The following SND1 variants were observed in gnomAD, a reference collection of about 807,000 sequenced individuals.
The protein encoded by SND1 is staphylococcal nuclease domain-containing protein 1.
In SND1, 38 loss-of-function variants were observed where a neutral mutation model predicts 121.7. The observed-to-expected ratio is 0.31, with a 90% confidence interval of 0.24 to 0.41. The LOEUF is 0.41. SND1 is among the 10% of genes least tolerant of loss of function. The pLI is 1.00. For missense variants in SND1, 868 were observed against 1,184.6 expected, an observed-to-expected ratio of 0.73 and a Z score of 3.92; for synonymous variants, 401 against 447.4, an observed-to-expected ratio of 0.90 and a Z score of 1.31.
chr7:127,684,633 T>G (rs2116300595), intron 1 of SND1, among the ~76,000 whole-genome samples: 1 of 152,310 alleles, frequency 6.6e-6, no homozygotes, highest in East Asian at 1.9e-4. Context: ...GAATGTCAGT[T>G]CCCTGGGATA....
chr7:127,890,046 C>G (rs1471207417), intron 13 of SND1, among the ~76,000 whole-genome samples: 1 of 152,044 alleles, frequency 6.6e-6, no homozygotes, highest in Non-Finnish European at 1.5e-5. Flanking sequence ...ATATACCCAG[C>G]AGTGTGATTG....
intron 12 of SND1, among the ~76,000 whole-genome samples, chr7:127,870,265 A>AAGCTCATTCTGACCACTCAAGAAAC (rs1421292460): frequency 2.6e-5 from 4 of 152,176 alleles, no homozygotes; most frequent in Admixed American, 1.3e-4. Context: ...GTATATTGTC[A>AAGCTCATTCTGACCACTCAAGAAAC]AGCTCATTCT....
rs1287280531 is a variant in SND1, at chr7:128,074,624, C to T, written c.1902C>T (p.Ala634=). The part of the protein sequence containing the change: ...EHALSKVHFT[A]ERSSYYKSLL... ...CGCTCTCCAAGGTCCACTTCACCGCCGAACGCAGCTCCTACTACAAGTCCC... is the reference window on the plus strand; with the variant it reads ...CGCTCTCCAAGGTCCACTTCACCGCTGAACGCAGCTCCTACTACAAGTCCC... The change falls in exon 17 of 24, where the codon GCC becomes GCT. Residue 634 remains alanine, a synonymous_variant. Coordinates refer to ENST00000354725, the MANE Select transcript of SND1 (RefSeq NM_014390.4). 7 of 1,613,802 alleles carry T rather than the reference C, an allele frequency of 4.3e-6. No individual in the cohort carries two copies. Among genetic ancestry groups the T allele is most frequent in the Non-Finnish European group, 5.1e-6 (6 of 1,180,004 alleles).
intron 10 of SND1, among the ~76,000 whole-genome samples, chr7:127,749,045 T>TG (rs1380799652): frequency 9.6e-6 from 1 of 103,668 alleles, no homozygotes; most frequent in Admixed American, 9.4e-5. Flanking sequence ...TTTCTTTCGT[T>TG]TTTTTTTTTT....
chr7:127,686,823 G>T, intron 2 of SND1, 61 bp downstream of exon 2: 1 of 1,537,796 alleles, frequency 6.5e-7, no homozygotes. Context: ...ACTGTCTTCT[G>T]TCGCTGATGC....
chr7:127,794,632 T>C (rs1797979544), intron 10 of SND1, among the ~76,000 whole-genome samples: 1 of 152,252 alleles, frequency 6.6e-6, no homozygotes, highest in African/African-American at 2.4e-5. Flanking sequence ...CAGAGATTTA[T>C]TTTCTTTTCC....
chr7:127,715,513 CTG>C lies in SND1; in HGVS notation c.1039-5772_1039-5771del, dbSNP rs375582712. Among the ~76,000 whole-genome samples, 212 of 152,206 alleles carry C rather than the reference CTG, an allele frequency of 1.4e-3. 1 individual carries two copies. Among genetic ancestry groups the C allele is most frequent in the African/African-American group, 5.0e-3 (208 of 41,526 alleles). On this transcript the variant is annotated intron_variant, in intron 9 of 23. Coordinates refer to ENST00000354725, the MANE Select transcript of SND1 (RefSeq NM_014390.4). ...TAGGAGTCCCCAGTGTCTATTGTTC[CTG>C]TCTTTAGTCCATGTGTACCCAGTGC... is the stretch of plus-strand genomic sequence containing the variant.
At chr7:127,998,084 A>G (rs1242623011) in intron 16 of SND1, 4 of 440,974 alleles carry the variant, frequency 9.1e-6, no homozygotes, top group Non-Finnish European at 1.9e-5. Flanking sequence ...AGTGCCTAGT[A>G]TATAAGAGAT....
intron 15 of SND1, among the ~76,000 whole-genome samples, chr7:127,959,047 T>C (rs1801667487): frequency 1.3e-5 from 2 of 152,196 alleles, no homozygotes; most frequent in African/African-American, 4.8e-5. Flanking sequence ...GGGTTTTTTG[T>C]TGTTGTTATT....
In SND1 at chr7:128,092,321, C is replaced by CTT. The variant is rs537858950; in HGVS notation, c.*269_*270dup. The CTT allele has an allele frequency of 1.6e-3, 711 of 436,096 alleles. 4 individuals are homozygous for CTT. Among genetic ancestry groups the CTT allele is most frequent in the African/African-American group, 0.013 (671 of 50,208 alleles). 27.0% of individuals were successfully genotyped at this position (436,096 alleles called of 1,614,324 possible). A position where few individuals can be genotyped will look rare whatever the true frequency, so the allele number is the denominator to read the frequency against. On this transcript the variant is annotated 3_prime_UTR_variant, in exon 24 of 24. Coordinates refer to ENST00000354725, the MANE Select transcript of SND1 (RefSeq NM_014390.4). The surrounding 1 kb of genome is among the most constrained non-coding windows in gnomAD (Gnocchi z 4.9). ...TTGGTTTTATTTGGAGGTTTGTGGGCTTTTTTTAAAAAAAAAAAGTCCTCA... is the reference window on the plus strand; with the variant it reads ...TTGGTTTTATTTGGAGGTTTGTGGGCTTTTTTTTTAAAAAAAAAAAGTCCTCA...
intron 22 of SND1, chr7:128,089,933 TC>T: frequency 2.0e-6 from 1 of 499,686 alleles, no homozygotes. Context: ...AAAGCTTCCC[TC>T]CCCATGTACC....
intron 16 of SND1, among the ~76,000 whole-genome samples, chr7:128,058,604 C>T (rs903689039): frequency 6.6e-6 from 1 of 152,198 alleles, no homozygotes; most frequent in African/African-American, 2.4e-5. Context: ...CTCTTTTATG[C>T]AGAGAAGGAT....
In SND1 at chr7:127,879,648, C is replaced by T. The variant is rs542111138; in HGVS notation, c.1344-8254C>T. Among the ~76,000 whole-genome samples, 7 of 152,212 alleles carry T rather than the reference C, an allele frequency of 4.6e-5. No homozygotes were observed. In the South Asian group the frequency reaches 1.0e-3, roughly 23 times the overall value. On this transcript the variant is annotated intron_variant, in intron 12 of 23. Transcript: ENST00000354725. ...CATGTGGTATGTTAGGAATCAATATCGGAACTCTGTCGCCTTCAGACCTCC... is the reference window on the plus strand; with the variant it reads ...CATGTGGTATGTTAGGAATCAATATTGGAACTCTGTCGCCTTCAGACCTCC...
In SND1 at chr7:128,010,128, C is replaced by T. The variant is rs184810814; in HGVS notation, c.1779+19072C>T. Among the ~76,000 whole-genome samples, 103 of 152,314 alleles carry T rather than the reference C, an allele frequency of 6.8e-4. 1 individual carries two copies. The highest frequency in any genetic ancestry group is 2.2e-3 in the African/African-American group (90 of 41,550). ...GAATTCCCAGATCATCCAGGCAGCA[C>T]GCTCCTGACAGTCTTTGGTCCTTTT... On this transcript the variant is annotated intron_variant, in intron 16 of 23. Transcript: ENST00000354725.
intron 10 of SND1, among the ~76,000 whole-genome samples, chr7:127,749,966 A>T (rs1797056538): frequency 6.6e-6 from 1 of 152,174 alleles, no homozygotes; most frequent in African/African-American, 2.4e-5. Context: ...CAGGCTTGGT[A>T]GCATGTGCCT....
chr7:127,706,402 G>A (rs946023280), intron 8 of SND1, among the ~76,000 whole-genome samples: 25 of 151,870 alleles, frequency 1.6e-4, no homozygotes, highest in Middle Eastern at 6.8e-3. Context: ...GACTACAGGC[G>A]CATGCCACCA....
chr7:128,067,499 C>G (rs1329036769), intron 16 of SND1, among the ~76,000 whole-genome samples: 1 of 152,168 alleles, frequency 6.6e-6, no homozygotes, highest in Admixed American at 6.5e-5. Flanking sequence ...GCCAGCACCC[C>G]ACTTTGTGCA....
intron 1 of SND1, among the ~76,000 whole-genome samples, chr7:127,667,700 T>C (rs1795444428): frequency 6.6e-6 from 1 of 152,226 alleles, no homozygotes; most frequent in African/African-American, 2.4e-5. Context: ...AGACTAGGGC[T>C]GAGTCCATCA....
chr7:127,932,123 G>T (rs1368488980), intron 15 of SND1, among the ~76,000 whole-genome samples: 1 of 152,190 alleles, frequency 6.6e-6, no homozygotes, highest in Admixed American at 6.5e-5. Flanking sequence ...TCTTCTGATG[G>T]ATCTGGGAAG....
Sources: allele counts gnomAD v4.1 joint callset (sites outside exome capture counted in the v4.1 genomes callset), GRCh38; gene constraint gnomAD v4.1.1; non-coding constraint Gnocchi (gnomAD v3.1); transcripts MANE v1.5; gene names NCBI Gene and HGNC (gene_info 2026-07-23, HGNC 2026-07-21).